The following SBF2 variants were observed in gnomAD, a reference collection of about 807,000 sequenced individuals.
The protein encoded by SBF2 is myotubularin-related protein 13.
Under a neutral mutation model 225.2 loss-of-function variants are expected in SBF2, and 112 were observed. That is an observed-to-expected ratio of 0.50 (90% CI 0.43 to 0.58). SBF2 has a LOEUF of 0.58. Among genes scored for constraint, SBF2 ranks in the 20% least tolerant of loss-of-function variants. The probability of loss-of-function intolerance (pLI) is 0.00; values close to 1 mark genes in which losing one functional copy is unlikely to be tolerated. For synonymous variants in SBF2, 763 were observed against 773.3 expected (o/e 0.99, Z 0.22); for missense variants, 1,996 against 2,206.2 (o/e 0.90, Z 1.91).
chr11:10,300,672 C>T (rs1964588182), intron 1 of SBF2, among the ~76,000 whole-genome samples: 1 of 152,062 alleles, frequency 6.6e-6, no homozygotes, highest in African/African-American at 2.4e-5. Flanking sequence ...GCCTAATCAT[C>T]TCTTTTATCA....
chr11:9,928,774 T>C (rs1469330237), intron 16 of SBF2: 3 of 186,626 alleles, frequency 1.6e-5, no homozygotes, highest in African/African-American at 4.7e-5. Context: ...CGTTTGATAC[T>C]GGAATACGTT....
chr11:10,175,704 T>A (rs962582602), intron 2 of SBF2, among the ~76,000 whole-genome samples: 2 of 150,992 alleles, frequency 1.3e-5, no homozygotes, highest in African/African-American at 4.9e-5. Flanking sequence ...ATCAACAGAA[T>A]AGACATTTTT....
At chr11:10,058,456 C>T (rs1382951313) in intron 2 of SBF2, among the ~76,000 whole-genome samples, 3 of 151,390 alleles carry the variant, frequency 2.0e-5, no homozygotes, top group East Asian at 1.9e-4. Flanking sequence ...GATGGTCAGA[C>T]AAAAATAAGG....
intron 36 of SBF2, 36 bp downstream of exon 36, chr11:9,787,598 C>G: frequency 6.4e-7 from 1 of 1,571,152 alleles, no homozygotes. Context: ...CCTCAGAAAG[C>G]TCAGAAGTGG....
At chr11:9,840,456 A>C (rs1044711094) in intron 25 of SBF2, among the ~76,000 whole-genome samples, 3 of 152,228 alleles carry the variant, frequency 2.0e-5, no homozygotes, top group African/African-American at 7.2e-5. Context: ...AATGTCAGGA[A>C]AATAATACCA....
At chr11:10,069,292 T>C (rs1371522918) in intron 2 of SBF2, among the ~76,000 whole-genome samples, 2 of 151,556 alleles carry the variant, frequency 1.3e-5, no homozygotes, top group Non-Finnish European at 3.0e-5. Context: ...TAGGTATTTC[T>C]CCTAATGCTA....
At chr11:10,054,523 G>A (rs1320252863) in intron 2 of SBF2, among the ~76,000 whole-genome samples, 7 of 152,036 alleles carry the variant, frequency 4.6e-5, no homozygotes, top group African/African-American at 1.2e-4. Context: ...CTAAGGCCCC[G>A]AAAGTAAATG....
intron 6 of SBF2, among the ~76,000 whole-genome samples, chr11:10,026,069 G>A (rs1949042341): frequency 1.3e-5 from 2 of 151,642 alleles, no homozygotes; most frequent in Admixed American, 1.3e-4. Flanking sequence ...AATTGTATTG[G>A]GGGTAAAAAT....
chr11:9,842,692 C>T lies in SBF2; in HGVS notation c.3189G>A (p.Lys1063=), dbSNP rs889481914. Residue 1063 remains lysine (K), a synonymous_variant, in exon 25 of 40, where the codon AAG becomes AAA. Transcript: ENST00000256190. ...TTTCTTCCACAATTGTCCCTGTCTT[C>T]TTCTTCAGTAAATATTGCCGCCCAA... The part of the protein sequence containing the change: ...MTIGRQYLLK[K]KTGTIVEERV... 10 of 1,614,012 alleles carry T rather than the reference C, an allele frequency of 6.2e-6. No homozygotes were observed. Among genetic ancestry groups the T allele is most frequent in the Non-Finnish European group, 8.5e-6 (10 of 1,179,976 alleles).
intron 1 of SBF2, among the ~76,000 whole-genome samples, chr11:10,225,183 T>G (rs943337840): frequency 6.6e-6 from 1 of 152,074 alleles, no homozygotes; most frequent in Non-Finnish European, 1.5e-5. Flanking sequence ...ACAACTGAAC[T>G]TATATAAATT....
intron 16 of SBF2, among the ~76,000 whole-genome samples, chr11:9,944,047 C>T (rs959215757): frequency 2.0e-5 from 3 of 152,146 alleles, no homozygotes; most frequent in Admixed American, 1.3e-4. Context: ...GCCGTAACTA[C>T]ATGAAGCAAC....
intron 2 of SBF2, among the ~76,000 whole-genome samples, chr11:10,095,313 T>C (rs1167421121): frequency 6.6e-6 from 1 of 152,118 alleles, no homozygotes; most frequent in East Asian, 1.9e-4. Context: ...AATGAAGTAA[T>C]AGGATTTAGT....
intron 15 of SBF2, among the ~76,000 whole-genome samples, chr11:9,962,787 G>C (rs929369872): frequency 1.3e-5 from 2 of 152,106 alleles, no homozygotes; most frequent in Non-Finnish European, 2.9e-5. Context: ...TAAAAAATCA[G>C]AACAAAGGAG....
intron 2 of SBF2, among the ~76,000 whole-genome samples, chr11:10,091,421 T>C (rs1951778518): frequency 3.3e-5 from 5 of 152,196 alleles, no homozygotes; most frequent in Admixed American, 3.3e-4. Flanking sequence ...CTATAACCTA[T>C]ATTCAATTTT....
chr11:10,287,872 C>T (rs1025091442), intron 1 of SBF2, among the ~76,000 whole-genome samples: 4 of 152,268 alleles, frequency 2.6e-5, no homozygotes, highest in Admixed American at 6.5e-5. Context: ...TGGAGTCAGG[C>T]GTGGAGTGGT....
chr11:10,241,338 A>C (rs1959212842), intron 1 of SBF2, among the ~76,000 whole-genome samples: 2 of 145,764 alleles, frequency 1.4e-5, no homozygotes, highest in African/African-American at 5.5e-5. Flanking sequence ...TGGGTAACAG[A>C]GCGAGACTGT....
chr11:10,143,829 T>C (rs1954763357), intron 2 of SBF2, among the ~76,000 whole-genome samples: 1 of 152,156 alleles, frequency 6.6e-6, no homozygotes, highest in Admixed American at 6.6e-5. Flanking sequence ...GCCATTCTCC[T>C]GCCTCAGCCT....
intron 28 of SBF2, 50 bp from the exon 29 acceptor site, chr11:9,817,074 CACTA>C (rs1441101807): frequency 8.8e-6 from 14 of 1,598,584 alleles, no homozygotes; most frequent in Admixed American, 1.7e-5. Context: ...GTGGGAATGC[CACTA>C]ACTAAGGAAA....
At chr11:9,852,836 T>C (rs759998065) in intron 20 of SBF2, 87 bp from the exon 21 acceptor site, 4 of 1,025,290 alleles carry the variant, frequency 3.9e-6, no homozygotes, top group Non-Finnish European at 6.2e-6. Context: ...TAAAAGTTAA[T>C]TACAGTTTAC....
Sources: gnomAD v4.1 joint callset for allele counts (sites outside exome capture counted in the v4.1 genomes callset) on GRCh38, gnomAD v4.1.1 for gene constraint, MANE v1.5 for transcripts, NCBI Gene and HGNC (gene_info 2026-07-23, HGNC 2026-07-21) for gene names.